SLIT3: variants seen among roughly 807,000 people sequenced by gnomAD.
SLIT3 encodes the protein slit guidance ligand 3, also known as slit homolog 3 protein.
Under a neutral mutation model 184.0 loss-of-function variants are expected in SLIT3, and 68 were observed. The ratio of observed to expected loss-of-function variants is 0.37; its 90% CI spans 0.30 to 0.45. The LOEUF (loss-of-function observed/expected upper bound fraction) is 0.45, where lower values mean the gene tolerates loss of function less well. Ranked by LOEUF, SLIT3 falls within the 20% of genes least tolerant of loss-of-function variation. SLIT3 has a pLI of 1.00. For synonymous variants in SLIT3, 831 were observed against 828.6 expected (o/e 1.00, Z -0.05); for missense variants, 1,707 against 2,026.0 (o/e 0.84, Z 3.02).
rs186822946 is a variant in SLIT3, at chr5:169,141,513, G to A, written c.413+51966C>T. On this transcript the variant is annotated intron_variant, in intron 4 of 35. Transcript: ENST00000519560. ...CCAGTACTTTGGGAGGCCAAGGTGGGCAGATCACGAGTTCAGGAGATCGAG... is the reference window on the plus strand; with the variant it reads ...CCAGTACTTTGGGAGGCCAAGGTGGACAGATCACGAGTTCAGGAGATCGAG... 9.4e-4 allele frequency among the ~76,000 whole-genome samples: 142 copies of A among 151,570 alleles called. 5 individuals are homozygous for A. Among genetic ancestry groups the A allele is most frequent in the African/African-American group, 3.3e-3 (138 of 41,318 alleles).
intron 32 of SLIT3, among the ~76,000 whole-genome samples, chr5:168,680,355 T>G (rs959217891): frequency 6.6e-6 from 1 of 152,254 alleles, no homozygotes; most frequent in Non-Finnish European, 1.5e-5. Flanking sequence ...AGAATCTTCA[T>G]GTGCCCTCAT....
At chr5:169,276,074 G>A (rs978604218) in intron 1 of SLIT3, among the ~76,000 whole-genome samples, 2 of 152,140 alleles carry the variant, frequency 1.3e-5, no homozygotes, top group Non-Finnish European at 2.9e-5. Flanking sequence ...TCCAAAAATG[G>A]TGAGCTAAGC....
At chr5:168,951,984 T>C (rs1039539945) in intron 4 of SLIT3, among the ~76,000 whole-genome samples, 3 of 152,188 alleles carry the variant, frequency 2.0e-5, no homozygotes, top group Non-Finnish European at 4.4e-5. Context: ...CATCCATGCT[T>C]ACCGCCCTGG....
intron 6 of SLIT3, among the ~76,000 whole-genome samples, chr5:168,831,697 C>T (rs1401006892): frequency 6.6e-6 from 1 of 152,112 alleles, no homozygotes; most frequent in East Asian, 1.9e-4. Context: ...CAGCTCTCAC[C>T]GCCAAGTAAC....
chr5:168,905,942 A>G (rs1490118952), intron 4 of SLIT3, among the ~76,000 whole-genome samples: 2 of 152,208 alleles, frequency 1.3e-5, no homozygotes, highest in African/African-American at 4.8e-5. Context: ...GAAGCAAAGC[A>G]TTAAAGGAGG....
intron 15 of SLIT3, among the ~76,000 whole-genome samples, chr5:168,761,329 C>G (rs999674936): frequency 6.6e-6 from 1 of 152,298 alleles, no homozygotes; most frequent in Admixed American, 6.5e-5. Flanking sequence ...CCTTCCTAAG[C>G]ACTTCCCTCT....
At chr5:169,120,603 G>A (rs1581429832) in intron 4 of SLIT3, among the ~76,000 whole-genome samples, 1 of 152,192 alleles carries the variant, frequency 6.6e-6, no homozygotes, top group African/African-American at 2.4e-5. Context: ...GGAACTGTAA[G>A]AGACTCAGTT....
chr5:168,867,953 C>G (rs1256079836), intron 5 of SLIT3, among the ~76,000 whole-genome samples: 1 of 152,156 alleles, frequency 6.6e-6, no homozygotes, highest in Non-Finnish European at 1.5e-5. Flanking sequence ...TGAATGGGAC[C>G]CACAGATGAC....
intron 4 of SLIT3, among the ~76,000 whole-genome samples, chr5:168,979,665 G>A (rs1754885759): frequency 6.6e-6 from 1 of 152,174 alleles, no homozygotes. Flanking sequence ...GAAGGGGGCT[G>A]GGGCCAAACA....
chr5:168,773,217 C>T (rs890984523), intron 13 of SLIT3, among the ~76,000 whole-genome samples: 5 of 152,270 alleles, frequency 3.3e-5, no homozygotes, highest in African/African-American at 1.2e-4. Context: ...GACCCACCAC[C>T]GATTGCTTCT....
chr5:169,192,496 T>C (rs1763590401), intron 4 of SLIT3, among the ~76,000 whole-genome samples: 1 of 151,674 alleles, frequency 6.6e-6, no homozygotes, highest in Non-Finnish European at 1.5e-5. Context: ...TCAGAACTCA[T>C]TCGTAAGTGC....
chr5:168,803,132 G>C lies in SLIT3; in HGVS notation c.935+3314C>G, dbSNP rs552503488. 7.2e-5 allele frequency among the ~76,000 whole-genome samples: 11 copies of C among 152,284 alleles called. No homozygotes were observed. The South Asian group carries it at 2.1e-3, about 29-fold the overall frequency. On this transcript the variant is annotated intron_variant, in intron 9 of 35. Coordinates refer to ENST00000519560, the MANE Select transcript of SLIT3 (RefSeq NM_003062.4). ...TTTATTTTGCCAATTATGGCAATCT[G>C]TGTGTATCTACTATACAATACACAT...
intron 5 of SLIT3, among the ~76,000 whole-genome samples, chr5:168,865,632 G>A (rs553981738): frequency 6.6e-6 from 1 of 152,172 alleles, no homozygotes; most frequent in Non-Finnish European, 1.5e-5. Context: ...GTGGTTACAT[G>A]GCTATTCACT....
At chr5:169,140,688 A>G (rs1242577998) in intron 4 of SLIT3, among the ~76,000 whole-genome samples, 3 of 151,800 alleles carry the variant, frequency 2.0e-5, no homozygotes, top group Admixed American at 6.6e-5. Flanking sequence ...TGTAGCCCCA[A>G]CCTCTCAGGA....
At chr5:168,920,890 A>G (rs1761615386) in intron 4 of SLIT3, among the ~76,000 whole-genome samples, 1 of 152,166 alleles carries the variant, frequency 6.6e-6, no homozygotes, top group African/African-American at 2.4e-5. Context: ...GGTAAAAGCC[A>G]TTGCATAAAT....
At chr5:168,691,190 CCCA>C (rs1178405713) in intron 29 of SLIT3, among the ~76,000 whole-genome samples, 5 of 152,148 alleles carry the variant, frequency 3.3e-5, no homozygotes, top group Non-Finnish European at 7.3e-5. Flanking sequence ...TCTTCCAATC[CCCA>C]CTATACTCCA....
At chr5:168,764,760 G>A (rs1361077165) in intron 14 of SLIT3, among the ~76,000 whole-genome samples, 2 of 151,904 alleles carry the variant, frequency 1.3e-5, no homozygotes, top group African/African-American at 2.4e-5. Context: ...CCCTTCTACC[G>A]CTAGGCTTGT....
intron 4 of SLIT3, among the ~76,000 whole-genome samples, chr5:168,893,663 A>T (rs1354184978): frequency 6.6e-6 from 1 of 152,176 alleles, no homozygotes; most frequent in Non-Finnish European, 1.5e-5. Flanking sequence ...TCTTCTTCAC[A>T]AAGACATTCC....
intron 4 of SLIT3, among the ~76,000 whole-genome samples, chr5:169,089,639 C>T (rs1229727510): frequency 6.6e-6 from 1 of 152,168 alleles, no homozygotes; most frequent in Admixed American, 6.5e-5. Flanking sequence ...ACCTTTCAGA[C>T]CCTGGAGAGC....
Sources: allele counts gnomAD v4.1 joint callset (sites outside exome capture counted in the v4.1 genomes callset), GRCh38; gene constraint gnomAD v4.1.1; transcripts MANE v1.5; gene names NCBI Gene and HGNC (gene_info 2026-07-23, HGNC 2026-07-21).